DOK6: variants seen among roughly 807,000 people sequenced by gnomAD.
DOK6 encodes the protein docking protein 6, also known as downstream of tyrosine kinase 6.
Under a neutral mutation model 44.0 loss-of-function variants are expected in DOK6, and 22 were observed. The ratio of observed to expected loss-of-function variants is 0.50; its 90% CI spans 0.36 to 0.71. The LOEUF is 0.71. Ranked by LOEUF, DOK6 falls within the 30% of genes least tolerant of loss-of-function variation. The probability of loss-of-function intolerance (pLI) is 0.00; values close to 1 mark genes in which losing one functional copy is unlikely to be tolerated. For synonymous variants in DOK6, 166 were observed against 145.5 expected (o/e 1.14, Z -1.01); for missense variants, 340 against 416.4 (o/e 0.82, Z 1.60).
At chr18:69,538,407 G>C (rs1017692235) in intron 1 of DOK6, among the ~76,000 whole-genome samples, 1 of 151,920 alleles carries the variant, frequency 6.6e-6, no homozygotes, top group African/African-American at 2.4e-5. Context: ...CTCTGAGACA[G>C]GGTCTTGCTC....
chr18:69,450,528 G>A (rs1204427784), intron 1 of DOK6, among the ~76,000 whole-genome samples: 1 of 132,916 alleles, frequency 7.5e-6, no homozygotes, highest in Non-Finnish European at 1.6e-5. Context: ...TAGCAAGGCA[G>A]GCCAACGTTC....
intron 1 of DOK6, among the ~76,000 whole-genome samples, chr18:69,530,500 C>T (rs896723305): frequency 6.6e-6 from 1 of 151,156 alleles, no homozygotes; most frequent in East Asian, 1.9e-4. Context: ...GTTGGAGAAC[C>T]AAGAAAGATG....
chr18:69,809,714 A>T (rs1981165015), intron 7 of DOK6, among the ~76,000 whole-genome samples: 1 of 151,812 alleles, frequency 6.6e-6, no homozygotes, highest in Admixed American at 6.6e-5. Flanking sequence ...CAACAAAATA[A>T]TCCTATTTAT....
In DOK6 at chr18:69,792,246, G is replaced by C. The variant is rs1287250904; in HGVS notation, c.856+34373G>C. Among the ~76,000 whole-genome samples, 4 of 151,926 alleles carry C rather than the reference G, an allele frequency of 2.6e-5. No homozygotes were observed. The East Asian group carries it at 5.8e-4, about 22-fold the overall frequency. ...CTTTGGCTATTCTGTATCTTTTGTA[G>C]TTTTAATAGAATTGTCTTTTCTGTT... On this transcript the variant is annotated intron_variant, in intron 7 of 7. Coordinates refer to ENST00000382713, the MANE Select transcript of DOK6 (RefSeq NM_152721.6).
At chr18:69,835,464 C>CAAA (rs1376861520) in intron 7 of DOK6, among the ~76,000 whole-genome samples, 2 of 136,332 alleles carry the variant, frequency 1.5e-5, no homozygotes, top group African/African-American at 5.8e-5. Flanking sequence ...GACTCCGTCT[C>CAAA]AAAAAAACAA....
intron 1 of DOK6, among the ~76,000 whole-genome samples, chr18:69,415,800 A>G (rs1394507693): frequency 6.6e-6 from 1 of 152,104 alleles, no homozygotes; most frequent in East Asian, 1.9e-4. Context: ...GGTCAAAAAT[A>G]TTTACCTCAA....
At chr18:69,468,562 T>C (rs6566425) in intron 1 of DOK6, among the ~76,000 whole-genome samples, 151,588 of 152,352 alleles carry the variant, frequency 0.99, 75,426 homozygotes, top group East Asian at 1. Flanking sequence ...ATAGATTTCC[T>C]ACATAGTCTG....
At chr18:69,683,578 C>T (rs1213167768) in intron 4 of DOK6, among the ~76,000 whole-genome samples, 1 of 152,132 alleles carries the variant, frequency 6.6e-6, no homozygotes, top group Non-Finnish European at 1.5e-5. Flanking sequence ...AGTGATGACA[C>T]GTCCACAAGC....
intron 3 of DOK6, among the ~76,000 whole-genome samples, chr18:69,633,377 C>T (rs369886177): frequency 1.2e-3 from 179 of 152,242 alleles, no homozygotes; most frequent in South Asian, 2.7e-3. Flanking sequence ...AATGTCAAAA[C>T]GCCTATGCAA....
At chr18:69,760,774 CTGA>C (rs1979527850) in intron 7 of DOK6, among the ~76,000 whole-genome samples, 1 of 87,816 alleles carries the variant, frequency 1.1e-5, no homozygotes, top group Admixed American at 1.2e-4. Flanking sequence ...TGGGAAGCTG[CTGA>C]TCAGTTTCAG....
chr18:69,450,771 A>C (rs1251355917), intron 1 of DOK6, among the ~76,000 whole-genome samples: 14 of 145,080 alleles, frequency 9.6e-5, no homozygotes, highest in African/African-American at 3.6e-4. Flanking sequence ...TTCTTAAAGA[A>C]AAGAATTTTC....
chr18:69,783,576 C>T (rs1285811925), intron 7 of DOK6, among the ~76,000 whole-genome samples: 1 of 152,078 alleles, frequency 6.6e-6, no homozygotes, highest in Non-Finnish European at 1.5e-5. Flanking sequence ...GCCAGATCAA[C>T]CAATTGTGAG....
chr18:69,773,677 G>C (rs959216123), intron 7 of DOK6, among the ~76,000 whole-genome samples: 1 of 151,966 alleles, frequency 6.6e-6, no homozygotes, highest in Non-Finnish European at 1.5e-5. Flanking sequence ...CTTACCAGGA[G>C]CTGGAAGAGG....
chr18:69,672,439 A>C (rs1468778248), intron 3 of DOK6, among the ~76,000 whole-genome samples: 1 of 152,212 alleles, frequency 6.6e-6, no homozygotes, highest in Non-Finnish European at 1.5e-5. Context: ...GCTCACCGCA[A>C]GCTCCGCCTC....
intron 3 of DOK6, among the ~76,000 whole-genome samples, chr18:69,653,930 G>A (rs1478975614): frequency 6.6e-6 from 1 of 152,056 alleles, no homozygotes; most frequent in Admixed American, 6.6e-5. Flanking sequence ...TAATAGAAAT[G>A]GGGCCACAGA....
chr18:69,541,303 T>G (rs1982262435), intron 1 of DOK6, among the ~76,000 whole-genome samples: 1 of 150,446 alleles, frequency 6.6e-6, no homozygotes, highest in African/African-American at 2.4e-5. Context: ...AATATGTACT[T>G]GCTTGTGATG....
At chr18:69,573,777 TTC>T (rs1397520638) in intron 2 of DOK6, among the ~76,000 whole-genome samples, 6 of 151,988 alleles carry the variant, frequency 3.9e-5, no homozygotes, top group Non-Finnish European at 5.9e-5. Flanking sequence ...TGATTCTGAT[TTC>T]TGTTTCTTTT....
chr18:69,476,469 C>T lies in DOK6; in HGVS notation c.66+75159C>T, dbSNP rs1186285453. ...TCTTGGAAGGCACGGGTAATCGTCA[C>T]TTGATCAGTCAGAGTTCCCGGAGGA... is the stretch of plus-strand genomic sequence containing the variant. On this transcript the variant is annotated intron_variant, in intron 1 of 7. Coordinates refer to ENST00000382713, the MANE Select transcript of DOK6 (RefSeq NM_152721.6). Among the ~76,000 whole-genome samples, 3 of 151,718 alleles carry T rather than the reference C, an allele frequency of 2.0e-5. No individual in the cohort carries two copies. In the South Asian group the frequency reaches 6.2e-4, roughly 31 times the overall value.
chr18:69,727,606 G>T (rs1447598383), intron 5 of DOK6, among the ~76,000 whole-genome samples: 3 of 152,200 alleles, frequency 2.0e-5, no homozygotes, highest in African/African-American at 7.2e-5. Context: ...AGAGACTGTA[G>T]ATCTGGCCTG....
Sources: gnomAD v4.1 joint callset for allele counts (sites outside exome capture counted in the v4.1 genomes callset) on GRCh38, gnomAD v4.1.1 for gene constraint, MANE v1.5 for transcripts, NCBI Gene and HGNC (gene_info 2026-07-23, HGNC 2026-07-21) for gene names.